Variants in XXYLT1 observed in about 807,000 individuals in gnomAD.
XXYLT1 encodes the protein xyloside xylosyltransferase 1, also known as UDP-xylose:alpha-xyloside alpha-1,3-xylosyltransferase.
Under a neutral mutation model 28.9 loss-of-function variants are expected in XXYLT1, and 20 were observed. That is an observed-to-expected ratio of 0.69 (90% CI 0.49 to 1.00). The LOEUF (loss-of-function observed/expected upper bound fraction) is 1.00, where lower values mean the gene tolerates loss of function less well. Among genes scored for constraint, XXYLT1 ranks in the 50% least tolerant of loss-of-function variants. The pLI is 0.00. For synonymous variants in XXYLT1, 257 were observed against 253.8 expected (o/e 1.01, Z -0.12); for missense variants, 542 against 560.1 (o/e 0.97, Z 0.33).
rs766604392 is a variant in XXYLT1, at chr3:195,226,778, C to G, written c.583G>C (p.Gly195Arg). The G allele has an allele frequency of 9.3e-6, 15 of 1,613,816 alleles. No homozygotes were observed. In the African/African-American group the frequency reaches 2.0e-4, roughly 22 times the overall value. The change falls in exon 2 of 4, where the codon GGC becomes CGC. Residue 195 changes from glycine to arginine, a missense_variant. By Grantham distance (125) the Gly-to-Arg change is moderately radical (BLOSUM62 -2). Transcript: ENST00000310380. ...VEAMQKHFSA[G>R]LGTYYSDSIF... ...GAGTCACTGTAGTAGGTTCCCAAGC[C>G]AGCACTGAAGTGCTTCTGCATGGCC...
rs1725502178 is a variant in XXYLT1, at chr3:195,256,994, A to G, written c.504+13561T>C. 1.3e-5 allele frequency among the ~76,000 whole-genome samples: 2 copies of G among 152,218 alleles called. No individual in the cohort carries two copies. Among genetic ancestry groups the G allele is most frequent in the African/African-American group, 2.4e-5 (1 of 41,458 alleles). ...TTCTTCATGGTAATGCAAGGGGGAC[A>G]GTTCCAAAACCCAAAACACCGCTGA... is the stretch of plus-strand genomic sequence containing the variant. On this transcript the variant is annotated intron_variant, in intron 1 of 3. Transcript: ENST00000310380. This position sits in a 1 kb window ranked among gnomAD's most constrained non-coding sequence, Gnocchi z 4.2.
At chr3:195,116,104 C>A (rs74958455) in intron 3 of XXYLT1, among the ~76,000 whole-genome samples, 3,781 of 152,162 alleles carry the variant, frequency 0.025, 73 homozygotes, top group Non-Finnish European at 0.036. Flanking sequence ...TTCCTGTCAC[C>A]CAAGGCAGAG....
intron 3 of XXYLT1, among the ~76,000 whole-genome samples, chr3:195,111,531 C>T (rs935828458): frequency 6.6e-6 from 1 of 152,004 alleles, no homozygotes; most frequent in Non-Finnish European, 1.5e-5. Context: ...GGATGGCGCT[C>T]CAGGGGCAGG....
intron 2 of XXYLT1, among the ~76,000 whole-genome samples, chr3:195,177,094 T>C (rs1721705127): frequency 6.6e-6 from 1 of 152,230 alleles, no homozygotes; most frequent in Admixed American, 6.5e-5. Context: ...TCCCTCAGGC[T>C]TCTACAGGAG....
chr3:195,252,541 G>T (rs969143545), intron 1 of XXYLT1, among the ~76,000 whole-genome samples: 2 of 152,092 alleles, frequency 1.3e-5, no homozygotes, highest in South Asian at 2.1e-4. Flanking sequence ...TTATAATGAA[G>T]AGGCAAGAGA....
chr3:195,184,775 C>G (rs992450948), intron 2 of XXYLT1: 17 of 985,290 alleles, frequency 1.7e-5, no homozygotes, highest in Admixed American at 1.2e-4. Flanking sequence ...ACTTAGCATT[C>G]TGAAAGAAGT....
chr3:195,216,990 A>G (rs1252170571), intron 2 of XXYLT1, among the ~76,000 whole-genome samples: 1 of 129,132 alleles, frequency 7.7e-6, no homozygotes, highest in Non-Finnish European at 1.5e-5. Context: ...CATCCCTGGG[A>G]TGCAAGGCTG....
chr3:195,122,428 G>A (rs1259057874), intron 3 of XXYLT1, among the ~76,000 whole-genome samples: 1 of 146,724 alleles, frequency 6.8e-6, no homozygotes. Context: ...GTACTGAGTA[G>A]TAGTACAGCA....
Position 195,124,906 on chromosome 3 carries a change from C to T in XXYLT1, c.785+31543G>A, listed in dbSNP as rs143111209. On this transcript the variant is annotated intron_variant, in intron 3 of 3. Transcript: ENST00000310380. The surrounding 1 kb of genome is among the most constrained non-coding windows in gnomAD (Gnocchi z 4.1). The stretch of plus-strand genomic sequence containing the variant: ...CACATCTGTATTTTCTATCAGGCTG[C>T]GGGTGCACAAGGCTGTCCCGGGTTA... Among the ~76,000 whole-genome samples the T allele has an allele frequency of 5.2e-3, 795 of 152,232 alleles. 6 individuals carry two copies. The highest frequency in any genetic ancestry group is 0.018 in the African/African-American group (745 of 41,534).
In XXYLT1 at chr3:195,256,641, G is replaced by T. The variant is rs1725489413; in HGVS notation, c.504+13914C>A. ...TAAGCCCCCAGCACTGTTTATACAC[G>T]CCTGGAAGAGAACAGACTGTTACTC... On this transcript the variant is annotated intron_variant, in intron 1 of 3. Transcript: ENST00000310380. This position sits in a 1 kb window ranked among gnomAD's most constrained non-coding sequence, Gnocchi z 4.2. The T allele has an allele frequency of 2.2e-6, 2 of 916,014 alleles. No homozygotes were observed. The highest frequency in any genetic ancestry group is 2.6e-6 in the Non-Finnish European group (2 of 766,642). The allele number at this position is 916,014 out of a possible 1,614,324, so 56.7% of individuals were successfully genotyped here.
intron 3 of XXYLT1, among the ~76,000 whole-genome samples, chr3:195,143,871 G>GATATATATAGATATAGAT (rs1719678383): frequency 1.2e-5 from 1 of 81,722 alleles, no homozygotes; most frequent in Admixed American, 1.4e-4. Context: ...TATAGATATA[G>GATATATATAGATATAGAT]ATATATATAT....
Position 195,069,908 on chromosome 3 carries a change from T to C in XXYLT1, c.989A>G (p.Asp330Gly). Residue 330 changes from aspartate (D) to glycine (G), a missense_variant, in exon 4 of 4, where the codon GAC (aspartate) becomes GGC (glycine). Transcript: ENST00000310380. ...GCCGATCATGGTGAAGAAGTCCTGG[T>C]CCCCGAGGTGGCCGCGGAAGTGGTA... Reference protein sequence around the residue: ...DKYHFRGHLGDQDFFTMIGME... With the variant: ...DKYHFRGHLGGQDFFTMIGME... The C allele has an allele frequency of 6.2e-7, 1 of 1,613,944 alleles. No individual in the cohort carries two copies. The highest frequency in any genetic ancestry group is 2.2e-5 in the East Asian group (1 of 44,876).
chr3:195,161,574 G>T (rs1426165084), intron 2 of XXYLT1, among the ~76,000 whole-genome samples: 5 of 151,704 alleles, frequency 3.3e-5, no homozygotes, highest in South Asian at 4.1e-4. Context: ...GGAAGAAAGG[G>T]TTTTATGCCC....
chr3:195,259,834 G>A (rs1577207205), intron 1 of XXYLT1, among the ~76,000 whole-genome samples: 2 of 152,344 alleles, frequency 1.3e-5, no homozygotes, highest in South Asian at 2.1e-4. Context: ...CACTGGCTGC[G>A]GAGGCCCGCC....
At chr3:195,243,559 CA>C (rs1724874881) in intron 1 of XXYLT1, among the ~76,000 whole-genome samples, 2 of 152,164 alleles carry the variant, frequency 1.3e-5, no homozygotes, top group African/African-American at 2.4e-5. Flanking sequence ...CCTGGAGTGA[CA>C]GACAGATAAT....
chr3:195,114,357 G>A (rs1448007908), intron 3 of XXYLT1, among the ~76,000 whole-genome samples: 3 of 152,190 alleles, frequency 2.0e-5, no homozygotes, highest in Non-Finnish European at 2.9e-5. Flanking sequence ...ACTACTGCCT[G>A]GAGAGCCGGG....
At position 195,126,429 on chromosome 3, in the gene XXYLT1, A is replaced by G. The variant is rs531860511; in HGVS notation, c.785+30020T>C. Among the ~76,000 whole-genome samples the G allele has an allele frequency of 1.8e-4, 27 of 152,276 alleles. 1 individual carries two copies. The South Asian group carries it at 5.4e-3, about 30-fold the overall frequency. On this transcript the variant is annotated intron_variant, in intron 3 of 3. Coordinates refer to ENST00000310380, the MANE Select transcript of XXYLT1 (RefSeq NM_152531.5). ...TCACTCATTTACAGTAGTCCCAAAT[A>G]TTTGCTGGGACTGTGTACAACAGAG... is the stretch of plus-strand genomic sequence containing the variant.
chr3:195,247,755 A>T, intron 1 of XXYLT1: 1 of 701,310 alleles, frequency 1.4e-6, no homozygotes, highest in Admixed American at 2.0e-5. Context: ...TAAGGAAAAG[A>T]GGTTTGATGG....
At chr3:195,261,266 C>G (rs779695704) in intron 1 of XXYLT1, among the ~76,000 whole-genome samples, 1 of 151,980 alleles carries the variant, frequency 6.6e-6, no homozygotes, top group Non-Finnish European at 1.5e-5. Context: ...AACCCTGTCT[C>G]TACTAAAAAT....
Sources: gnomAD v4.1 joint callset for allele counts (sites outside exome capture counted in the v4.1 genomes callset) on GRCh38, gnomAD v4.1.1 for gene constraint, Gnocchi (gnomAD v3.1) non-coding constraint, MANE v1.5 for transcripts, NCBI Gene and HGNC (gene_info 2026-07-23, HGNC 2026-07-21) for gene names.